Variants in LHFPL3 observed in about 807,000 individuals in gnomAD.
The protein encoded by LHFPL3 is LHFPL tetraspan subfamily member 3, also known as LHFPL tetraspan subfamily member 3 protein.
Under a neutral mutation model 19.3 loss-of-function variants are expected in LHFPL3, and 5 were observed. That is an observed-to-expected ratio of 0.26 (90% CI 0.14 to 0.54). The LOEUF is 0.54. Ranked by LOEUF, LHFPL3 falls within the 20% of genes least tolerant of loss-of-function variation. The probability of loss-of-function intolerance (pLI) is 0.94; values close to 1 mark genes in which losing one functional copy is unlikely to be tolerated. For synonymous variants in LHFPL3, 133 were observed against 126.2 expected, an observed-to-expected ratio of 1.05 and a Z score of -0.36; for missense variants, 249 against 307.4, an observed-to-expected ratio of 0.81 and a Z score of 1.42.
intron 1 of LHFPL3, among the ~76,000 whole-genome samples, chr7:104,563,743 A>G (rs1209970198): frequency 6.6e-6 from 1 of 152,132 alleles, no homozygotes; most frequent in African/African-American, 2.4e-5. Context: ...GTAGGCCCTC[A>G]CCACACACCA....
At chr7:104,408,716 T>G (rs1342961701) in intron 1 of LHFPL3, among the ~76,000 whole-genome samples, 2 of 152,078 alleles carry the variant, frequency 1.3e-5, no homozygotes, top group African/African-American at 4.8e-5. Flanking sequence ...CTGAACTGGG[T>G]AGTGGCTGTC....
chr7:104,562,354 C>G (rs557082294), intron 1 of LHFPL3, among the ~76,000 whole-genome samples: 4 of 152,154 alleles, frequency 2.6e-5, no homozygotes, highest in Non-Finnish European at 5.9e-5. Context: ...TCACATAGTC[C>G]CATAGTTCTT....
At chr7:104,413,099 A>G (rs1037308002) in intron 1 of LHFPL3, among the ~76,000 whole-genome samples, 2 of 152,346 alleles carry the variant, frequency 1.3e-5, no homozygotes, top group South Asian at 2.1e-4. Flanking sequence ...TTCAAAGTCA[A>G]TTACTGGCTT....
At chr7:104,491,838 C>T (rs1043419102) in intron 1 of LHFPL3, among the ~76,000 whole-genome samples, 1 of 152,164 alleles carries the variant, frequency 6.6e-6, no homozygotes, top group Non-Finnish European at 1.5e-5. Context: ...AACATTTTCC[C>T]ATCCAAATTA....
intron 1 of LHFPL3, among the ~76,000 whole-genome samples, chr7:104,456,342 A>G (rs56405230): frequency 0.11 from 16,187 of 152,216 alleles, 1,102 homozygotes; most frequent in African/African-American, 0.19. Context: ...GATTACTGAT[A>G]TATAACTTTT....
intron 1 of LHFPL3, among the ~76,000 whole-genome samples, chr7:104,440,230 G>A (rs1249118182): frequency 6.6e-6 from 1 of 151,792 alleles, no homozygotes; most frequent in Admixed American, 6.6e-5. Flanking sequence ...ATACTCTGCA[G>A]CCATAAAAAA....
At chr7:104,720,154 C>T (rs991890157) in intron 1 of LHFPL3, among the ~76,000 whole-genome samples, 1 of 152,166 alleles carries the variant, frequency 6.6e-6, no homozygotes. Context: ...CTGCCTTCTA[C>T]AGTAACCAAA....
rs374398160 is a variant in LHFPL3 at position 104,748,063 on chromosome 7, G to A, written c.682+11152G>A. Among the ~76,000 whole-genome samples the A allele has an allele frequency of 1.4e-3, 207 of 151,824 alleles. 1 individual carries two copies. Among genetic ancestry groups the A allele is most frequent in the African/African-American group, 4.7e-3 (196 of 41,404 alleles). On this transcript the variant is annotated intron_variant, in intron 2 of 2. Coordinates refer to ENST00000424859, the MANE Select transcript of LHFPL3 (RefSeq NM_199000.3). ...AATCTATGACCTTACCCCCAACCCC[G>A]TGCTCTCTGAAACATGTGCTGTGTC...
At chr7:104,438,460 A>T (rs1160293294) in intron 1 of LHFPL3, among the ~76,000 whole-genome samples, 1 of 152,240 alleles carries the variant, frequency 6.6e-6, no homozygotes, top group Non-Finnish European at 1.5e-5. Context: ...TCCTTTAGAG[A>T]CTTACAAAAA....
intron 1 of LHFPL3, among the ~76,000 whole-genome samples, chr7:104,457,008 G>A (rs1199635104): frequency 6.6e-6 from 1 of 152,070 alleles, no homozygotes; most frequent in Non-Finnish European, 1.5e-5. Flanking sequence ...TTCCAATATG[G>A]AAACTCTGAT....
chr7:104,757,331 G>A (rs948179043), intron 2 of LHFPL3, among the ~76,000 whole-genome samples: 7 of 152,014 alleles, frequency 4.6e-5, no homozygotes, highest in Admixed American at 1.3e-4. Context: ...AAAAGCAATT[G>A]CAACAAAAAA....
At chr7:104,669,170 C>T in intron 1 of LHFPL3, 3 of 1,613,808 alleles carry the variant, frequency 1.9e-6, no homozygotes, top group South Asian at 2.2e-5. Flanking sequence ...ATGCCAGCCC[C>T]TCCACCAAAG....
At chr7:104,862,590 G>C (rs1488179124) in intron 2 of LHFPL3, among the ~76,000 whole-genome samples, 1 of 151,494 alleles carries the variant, frequency 6.6e-6, no homozygotes, top group African/African-American at 2.4e-5. Flanking sequence ...TTCTGCTTTG[G>C]AGAAGGGTAG....
intron 2 of LHFPL3, among the ~76,000 whole-genome samples, chr7:104,778,006 A>G (rs566324512): frequency 3.9e-5 from 6 of 152,290 alleles, no homozygotes; most frequent in African/African-American, 1.4e-4. Context: ...TTCCCCAAAC[A>G]GTGCTCACCT....
chr7:104,779,786 G>T (rs1258719001), intron 2 of LHFPL3, among the ~76,000 whole-genome samples: 1 of 152,206 alleles, frequency 6.6e-6, no homozygotes, highest in Non-Finnish European at 1.5e-5. Flanking sequence ...GGAGATGCAG[G>T]TCTGACTCGA....
At chr7:104,565,483 A>G (rs1188973861) in intron 1 of LHFPL3, among the ~76,000 whole-genome samples, 4 of 152,214 alleles carry the variant, frequency 2.6e-5, no homozygotes, top group African/African-American at 9.6e-5. Flanking sequence ...TGTTCAGCAG[A>G]CACAAGGGGA....
At chr7:104,426,961 A>G (rs2116546786) in intron 1 of LHFPL3, among the ~76,000 whole-genome samples, 1 of 152,356 alleles carries the variant, frequency 6.6e-6, no homozygotes, top group East Asian at 1.9e-4. Context: ...GTGGCACAAA[A>G]TAAACATTCA....
In LHFPL3 at chr7:104,718,771, A is replaced by C. The variant is rs183735572; in HGVS notation, c.446-17904A>C. Among the ~76,000 whole-genome samples, 9 of 152,348 alleles carry C rather than the reference A, an allele frequency of 5.9e-5. No homozygotes were observed. In the East Asian group the frequency reaches 1.7e-3, roughly 29 times the overall value. ...AAATGAATAAGCTAAATAGTAGGTA[A>C]CCACTCAATAATCTGGACCCAGGCT... is the stretch of plus-strand genomic sequence containing the variant. On this transcript the variant is annotated intron_variant, in intron 1 of 2. Transcript: ENST00000424859.
chr7:104,869,439 C>G lies in LHFPL3; in HGVS notation c.683-36748C>G, dbSNP rs928431992. 6.6e-5 allele frequency among the ~76,000 whole-genome samples: 10 copies of G among 152,108 alleles called. No individual in the cohort carries two copies. In the South Asian group the frequency reaches 1.0e-3, roughly 16 times the overall value. On this transcript the variant is annotated intron_variant, in intron 2 of 2. Coordinates refer to ENST00000424859, the MANE Select transcript of LHFPL3 (RefSeq NM_199000.3). ...TCAAAAAGTGGACAAAGGATATGAA[C>G]AGACACTTCTCAAAAGAAGACATTT...
Sources: allele counts gnomAD v4.1 joint callset (sites outside exome capture counted in the v4.1 genomes callset), GRCh38; gene constraint gnomAD v4.1.1; transcripts MANE v1.5; gene names NCBI Gene and HGNC (gene_info 2026-07-23, HGNC 2026-07-21).